Variants in ENO4 observed in about 807,000 individuals in gnomAD.
ENO4 encodes 2-phospho-D-glycerate hydro-lyase.
Under a neutral mutation model 63.2 loss-of-function variants are expected in ENO4, and 53 were observed. That is an observed-to-expected ratio of 0.84 (90% CI 0.67 to 1.05). The LOEUF (loss-of-function observed/expected upper bound fraction) is 1.05. ENO4 is among the 50% of genes least tolerant of loss of function. ENO4 has a pLI of 0.00. For synonymous variants in ENO4, 266 were observed against 283.8 expected (o/e 0.94, Z 0.63); for missense variants, 719 against 772.0 (o/e 0.93, Z 0.81).
chr10:116,912,139 G>A (rs962842120), downstream of ENO4, among the ~76,000 whole-genome samples: 2 of 152,170 alleles, frequency 1.3e-5, no homozygotes, highest in Non-Finnish European at 2.9e-5. Context: ...AGAAGATTTG[G>A]TAGACATCGG....
At position 116,849,737 on chromosome 10, in the gene ENO4, G is replaced by A; in HGVS notation, c.165+6G>A. The A allele has an allele frequency of 6.6e-7, 1 of 1,504,468 alleles. No individual in the cohort carries two copies. The highest frequency in any genetic ancestry group is 8.9e-7 in the Non-Finnish European group (1 of 1,123,210). 93.2% of individuals were successfully genotyped at this position (1,504,468 alleles called of 1,614,324 possible). ...CCGACGTCTACGGGCACCTGGTAGG[G>A]ACCTGGGACAAGCGCTCTCCTCCCG... On this transcript the variant is annotated splice_donor_region_variant and intron_variant, in intron 1 of 13. Transcript: ENST00000341276.
chr10:116,900,202 C>T lies in ENO4; in HGVS notation c.1195-11297C>T, dbSNP rs551614013. 43 of 236,058 alleles carry T rather than the reference C, an allele frequency of 1.8e-4. No homozygotes were observed. In the South Asian group the frequency reaches 5.8e-3, roughly 32 times the overall value. 14.6% of individuals were successfully genotyped at this position (236,058 alleles called of 1,614,324 possible). On this transcript the variant is annotated intron_variant, in intron 10 of 10. Transcript: ENST00000369207. ...TAAAGAATGTCAAGAACCGAATAAT[C>T]GAGCATTAGGTTTCAAAGTTTAGAA... is the stretch of plus-strand genomic sequence containing the variant.
exon 11 of ENO4, chr10:116,911,623 A>G (rs1848200721): frequency 1.9e-6 from 3 of 1,553,850 alleles, no homozygotes; most frequent in Admixed American, 2.0e-5. Flanking sequence ...AATTATTAAC[A>G]TATGTGATGG....
chr10:116,899,931 T>C (rs2133320548), intron 10 of ENO4, among the ~76,000 whole-genome samples: 1 of 152,248 alleles, frequency 6.6e-6, no homozygotes, highest in South Asian at 2.1e-4. Flanking sequence ...TGACAAATGA[T>C]ACAAACTGTT....
chr10:116,876,931 A>G (rs973207853), intron 11 of ENO4, among the ~76,000 whole-genome samples: 2 of 152,010 alleles, frequency 1.3e-5, no homozygotes, highest in Admixed American at 1.3e-4. Context: ...AGCCTGGGCG[A>G]CAGGGAGACT....
intron 10 of ENO4, chr10:116,900,540 T>G (rs1163521891): frequency 6.5e-7 from 1 of 1,534,140 alleles, no homozygotes. Flanking sequence ...ATTCAGATTA[T>G]CTGTGTAAAA....
intron 9 of ENO4, chr10:116,873,851 G>C (rs772488328): frequency 7.3e-5 from 72 of 984,780 alleles, no homozygotes; most frequent in Non-Finnish European, 8.7e-5. Context: ...AAGTCTGTGG[G>C]AAGAACCCTA....
At chr10:116,884,027 G>A (rs1021484340), downstream of ENO4, 4 of 218,714 alleles carry the variant, frequency 1.8e-5, no homozygotes, top group Non-Finnish European at 2.9e-5. Flanking sequence ...TTTTCTTAAA[G>A]AAAAAAAATC....
At chr10:116,897,344 G>C (rs1211055958) in intron 10 of ENO4, among the ~76,000 whole-genome samples, 1 of 152,180 alleles carries the variant, frequency 6.6e-6, no homozygotes, top group Non-Finnish European at 1.5e-5. Context: ...GGAAATATGT[G>C]CCTCTTACTC....
chr10:116,878,890 C>CCCG (rs1025127024), intron 11 of ENO4, among the ~76,000 whole-genome samples: 117 of 151,976 alleles, frequency 7.7e-4, no homozygotes, highest in African/African-American at 2.8e-3. Flanking sequence ...ACTACAGGTG[C>CCCG]CTACCACCAC....
intron 4 of ENO4, among the ~76,000 whole-genome samples, chr10:116,859,985 C>T (rs966542664): frequency 4.6e-5 from 7 of 152,136 alleles, no homozygotes; most frequent in African/African-American, 1.7e-4. Context: ...ATGGCCACTA[C>T]TGAGTTATAA....
chr10:116,884,537 T>G (rs541744849), downstream of ENO4: 1 of 308,866 alleles, frequency 3.2e-6, no homozygotes, highest in South Asian at 2.8e-5. Context: ...ACCATATTAT[T>G]CTGTGATGGT....
chr10:116,863,356 T>TCACACACACACACACACA (rs10646641), intron 7 of ENO4, among the ~76,000 whole-genome samples: 9 of 147,298 alleles, frequency 6.1e-5, no homozygotes, highest in Non-Finnish European at 7.5e-5. Flanking sequence ...CTGTGGGGCT[T>TCACACACACACACACACA]CACACACACA....
intron 7 of ENO4, among the ~76,000 whole-genome samples, chr10:116,868,385 C>A (rs1425347561): frequency 6.6e-6 from 1 of 152,202 alleles, no homozygotes; most frequent in Non-Finnish European, 1.5e-5. Flanking sequence ...AATCTGTACA[C>A]ACACCCCATA....
At chr10:116,862,894 G>A in intron 7 of ENO4, 42 bp downstream of exon 7, 1 of 1,298,142 alleles carries the variant, frequency 7.7e-7, no homozygotes, top group Non-Finnish European at 1.1e-6. Context: ...CTGACACTTA[G>A]ACACCTTCTA....
intron 1 of ENO4, among the ~76,000 whole-genome samples, chr10:116,854,940 C>CAAAAAAA (rs71013620): frequency 3.3e-3 from 137 of 41,512 alleles, no homozygotes; most frequent in African/African-American, 4.0e-3. Context: ...GACCCTGTCT[C>CAAAAAAA]AAAAAAAAAA....
intron 10 of ENO4, chr10:116,906,604 G>A (rs772147409): frequency 6.2e-7 from 1 of 1,603,570 alleles, no homozygotes; most frequent in East Asian, 2.2e-5. Flanking sequence ...GAGAAGGACT[G>A]TGGAGAATTC....
Position 116,849,598 on chromosome 10 carries a change from G to A in ENO4, c.32G>A (p.Gly11Glu). MEEEGGGRSC[G>E]TTRELQKLKQ... The stretch of plus-strand genomic sequence containing the variant: ...GAAGAAGGCGGCGGCCGCAGCTGTG[G>A]GACCACTAGGGAGCTGCAGAAGCTG... The change falls in exon 1 of 14, where the codon GGG becomes GAG. Residue 11 changes from glycine (G) to glutamate (E), a missense_variant. Gly to Glu is a moderately conservative substitution (Grantham distance 98, BLOSUM62 -2). Coordinates refer to ENST00000341276, the MANE Select transcript of ENO4 (RefSeq NM_001242699.2). 6.5e-7 allele frequency: 1 copy of A among 1,548,280 alleles called. No homozygotes were observed. Among genetic ancestry groups the A allele is most frequent in the Non-Finnish European group, 8.7e-7 (1 of 1,145,950 alleles).
chr10:116,876,547 T>C (rs1846837898), intron 11 of ENO4, among the ~76,000 whole-genome samples: 1 of 152,270 alleles, frequency 6.6e-6, no homozygotes, highest in Non-Finnish European at 1.5e-5. Flanking sequence ...AGAGCCTTTC[T>C]GCCTGTAACA....
Sources: gnomAD v4.1 joint callset for allele counts (sites outside exome capture counted in the v4.1 genomes callset) on GRCh38, gnomAD v4.1.1 for gene constraint, MANE v1.5 for transcripts, NCBI Gene and HGNC (gene_info 2026-07-23, HGNC 2026-07-21) for gene names.